PHF14: variants seen among roughly 807,000 people sequenced by gnomAD.
PHF14 encodes the protein PHD finger protein 14.
A neutral mutation model predicts 117.9 loss-of-function variants in PHF14; 55 were observed. The observed-to-expected ratio is 0.47, with a 90% confidence interval of 0.38 to 0.58. The LOEUF (loss-of-function observed/expected upper bound fraction) is 0.58, where lower values mean the gene tolerates loss of function less well. Ranked by LOEUF, PHF14 falls within the 20% of genes least tolerant of loss-of-function variation. PHF14 has a pLI of 0.00. For synonymous variants in PHF14, 409 were observed against 368.6 expected, an observed-to-expected ratio of 1.11 and a Z score of -1.26; for missense variants, 978 against 1,122.2, an observed-to-expected ratio of 0.87 and a Z score of 1.84.
At chr7:11,036,303 T>G in intron 8 of PHF14, 115 bp from the exon 9 acceptor site, 2 of 880,070 alleles carry the variant, frequency 2.3e-6, no homozygotes, top group South Asian at 3.6e-5. Flanking sequence ...TTTGCTTTGG[T>G]GTGAGAAGTT....
At chr7:11,061,446 A>G (rs887586142) in intron 14 of PHF14, 3 of 163,356 alleles carry the variant, frequency 1.8e-5, no homozygotes, top group Admixed American at 6.3e-5. Flanking sequence ...GTGATAAGTT[A>G]TGAAAATTTA....
intron 16 of PHF14, chr7:11,102,699 G>A (rs1403815961): frequency 5.7e-6 from 8 of 1,411,114 alleles, no homozygotes; most frequent in Non-Finnish European, 6.5e-6. Flanking sequence ...TGATTGGTTT[G>A]TTACTTGGAC....
At chr7:11,111,505 C>T (rs1040353134) in intron 17 of PHF14, 38 bp downstream of exon 17, 2 of 1,003,726 alleles carry the variant, frequency 2.0e-6, no homozygotes, top group East Asian at 2.6e-5. Context: ...TATTGGTGTC[C>T]TTCCGTTTGA....
chr7:11,125,926 A>G (rs902597760), intron 17 of PHF14, among the ~76,000 whole-genome samples: 3 of 152,032 alleles, frequency 2.0e-5, no homozygotes, highest in Non-Finnish European at 4.4e-5. Flanking sequence ...CTGGTTTGAA[A>G]ACTCTTTAAA....
chr7:11,004,098 A>G (rs556461837), intron 4 of PHF14, among the ~76,000 whole-genome samples: 35 of 152,044 alleles, frequency 2.3e-4, no homozygotes, highest in African/African-American at 8.2e-4. Flanking sequence ...ATACAGAAAA[A>G]TCAGCCAGGT....
At chr7:11,097,829 A>G (rs1237822568) in intron 16 of PHF14, among the ~76,000 whole-genome samples, 1 of 152,150 alleles carries the variant, frequency 6.6e-6, no homozygotes, top group Non-Finnish European at 1.5e-5. Context: ...CCCTTCCTCT[A>G]TTCTATCTTC....
chr7:11,040,304 A>C (rs970221435), intron 11 of PHF14, among the ~76,000 whole-genome samples: 11 of 152,146 alleles, frequency 7.2e-5, no homozygotes, highest in African/African-American at 2.4e-4. Context: ...CCTATGGAAC[A>C]CCAATATAGC....
In PHF14 at chr7:11,137,806, G is replaced by T. The variant is rs191018191; in HGVS notation, c.2772+26339G>T. Among the ~76,000 whole-genome samples the T allele has an allele frequency of 2.1e-3, 311 of 151,522 alleles. 2 individuals are homozygous for T. Among genetic ancestry groups the T allele is most frequent in the Admixed American group, 5.0e-3 (76 of 15,230 alleles). On this transcript the variant is annotated intron_variant, in intron 17 of 17. Coordinates refer to ENST00000634607, the MANE Select transcript of PHF14 (RefSeq NM_001007157.2). Reference sequence around the variant, plus strand: ...TTGCCATGTTGTCCAGGCTGGTCTCGAACTCCTGACCTCAGGTGATCTGCC... The same window carrying T: ...TTGCCATGTTGTCCAGGCTGGTCTCTAACTCCTGACCTCAGGTGATCTGCC...
chr7:11,131,003 T>TA (rs1182185011), intron 17 of PHF14, among the ~76,000 whole-genome samples: 1 of 151,932 alleles, frequency 6.6e-6, no homozygotes, highest in African/African-American at 2.4e-5. Flanking sequence ...CTTTTTTTTT[T>TA]AATCACTGAG....
intron 17 of PHF14, among the ~76,000 whole-genome samples, chr7:11,139,901 T>C (rs1191265617): frequency 1.3e-5 from 2 of 152,122 alleles, no homozygotes; most frequent in Non-Finnish European, 2.9e-5. Flanking sequence ...AGCAAGTCCA[T>C]ATAATAATGA....
At chr7:11,162,789 G>T (rs1312649129) in intron 17 of PHF14, among the ~76,000 whole-genome samples, 1 of 150,558 alleles carries the variant, frequency 6.6e-6, no homozygotes, top group Non-Finnish European at 1.5e-5. Flanking sequence ...GGGTTCAAGT[G>T]ATTCTCCTGC....
chr7:11,158,356 G>A (rs1788925705), intron 17 of PHF14, among the ~76,000 whole-genome samples: 2 of 152,080 alleles, frequency 1.3e-5, no homozygotes, highest in African/African-American at 4.8e-5. Flanking sequence ...ATTAGATTGA[G>A]TTTGTGCCTT....
At chr7:10,989,544 A>G (rs1782369880) in intron 3 of PHF14, among the ~76,000 whole-genome samples, 1 of 152,204 alleles carries the variant, frequency 6.6e-6, no homozygotes, top group Admixed American at 6.5e-5. Context: ...TTAAAGTTTA[A>G]ATCTATAATG....
intron 14 of PHF14, among the ~76,000 whole-genome samples, chr7:11,055,045 T>C (rs1230836640): frequency 1.3e-5 from 2 of 152,066 alleles, no homozygotes; most frequent in African/African-American, 2.4e-5. Context: ...CACAGAAGAA[T>C]GGGTCCCATT....
intron 16 of PHF14, among the ~76,000 whole-genome samples, chr7:11,067,990 G>T (rs1451747654): frequency 2.0e-5 from 3 of 152,084 alleles, no homozygotes; most frequent in Non-Finnish European, 4.4e-5. Flanking sequence ...TCAACATTAG[G>T]TTTGTAGGTG....
At chr7:11,061,462 T>G (rs1785220734) in intron 14 of PHF14, 1 of 171,790 alleles carries the variant, frequency 5.8e-6, no homozygotes, top group Non-Finnish European at 1.2e-5. Context: ...ATTTAAATGC[T>G]CTGAGTAAAT....
At chr7:11,106,276 G>A (rs910498490) in intron 16 of PHF14, 39 of 962,722 alleles carry the variant, frequency 4.1e-5, no homozygotes, top group African/African-American at 5.3e-5. Flanking sequence ...ATTTTTATGT[G>A]TAAAGAATAT....
At chr7:11,049,107 T>G (rs1392249715) in intron 13 of PHF14, among the ~76,000 whole-genome samples, 1 of 152,218 alleles carries the variant, frequency 6.6e-6, no homozygotes, top group East Asian at 1.9e-4. Flanking sequence ...AAAAGGTACC[T>G]GCTTCTATAC....
At chr7:11,083,464 ATTTTTTTT>A (rs776573456) in intron 16 of PHF14, among the ~76,000 whole-genome samples, 1 of 112,310 alleles carries the variant, frequency 8.9e-6, no homozygotes, top group South Asian at 3.0e-4. Context: ...TGCTTTCCCT[ATTTTTTTT>A]TTTTTTTTTT....
Sources: gnomAD v4.1 joint callset for allele counts (sites outside exome capture counted in the v4.1 genomes callset) on GRCh38, gnomAD v4.1.1 for gene constraint, MANE v1.5 for transcripts, NCBI Gene and HGNC (gene_info 2026-07-23, HGNC 2026-07-21) for gene names.